Variants in CNTN4 observed in about 807,000 individuals in gnomAD.
The protein encoded by CNTN4 is contactin-4.
CNTN4 carries 77 observed loss-of-function variants against 122.5 expected under a neutral mutation model. That is an observed-to-expected ratio of 0.63 (90% confidence interval 0.52 to 0.76). The LOEUF is 0.76. Among genes scored for constraint, CNTN4 ranks in the 30% least tolerant of loss-of-function variants. The pLI is 0.00. For missense variants in CNTN4, 1,256 were observed against 1,259.1 expected (o/e 1.00, Z 0.04); for synonymous variants, 512 against 447.0 (o/e 1.15, Z -1.83).
intron 2 of CNTN4, among the ~76,000 whole-genome samples, chr3:2,286,638 T>A (rs2041912296): frequency 6.6e-6 from 1 of 152,174 alleles, no homozygotes; most frequent in African/African-American, 2.4e-5. Context: ...GATAATAAAG[T>A]TATGTATGTT....
intron 2 of CNTN4, among the ~76,000 whole-genome samples, chr3:2,219,599 G>A (rs1326207498): frequency 1.3e-5 from 2 of 151,862 alleles, no homozygotes; most frequent in Admixed American, 6.6e-5. Context: ...TTTCAACCAC[G>A]TTCTCTTGAA....
intron 3 of CNTN4, among the ~76,000 whole-genome samples, chr3:2,342,005 TAC>T (rs1334804087): frequency 4.6e-5 from 7 of 152,222 alleles, no homozygotes; most frequent in Non-Finnish European, 1.0e-4. Flanking sequence ...CATGGATTGA[TAC>T]AGTGTGGAGG....
At chr3:3,005,573 A>C (rs1696529680) in intron 14 of CNTN4, among the ~76,000 whole-genome samples, 3 of 151,364 alleles carry the variant, frequency 2.0e-5, no homozygotes, top group Non-Finnish European at 4.4e-5. Context: ...ACAGTTCTGG[A>C]GGCCGTGGTC....
chr3:2,935,756 C>T (rs1031621737), intron 13 of CNTN4, among the ~76,000 whole-genome samples: 1 of 152,108 alleles, frequency 6.6e-6, no homozygotes, highest in Non-Finnish European at 1.5e-5. Context: ...TTCATTTTCC[C>T]TAAGAGGCTG....
At chr3:2,852,030 T>C (rs1401606313) in intron 7 of CNTN4, among the ~76,000 whole-genome samples, 1 of 152,196 alleles carries the variant, frequency 6.6e-6, no homozygotes, top group African/African-American at 2.4e-5. Flanking sequence ...ATTTGTTTAT[T>C]ACCAGGCCAC....
chr3:2,487,396 T>C (rs1053003721), intron 3 of CNTN4, among the ~76,000 whole-genome samples: 2 of 152,180 alleles, frequency 1.3e-5, no homozygotes, highest in African/African-American at 4.8e-5. Context: ...GCAACCAAAC[T>C]TCCCTTCCCT....
chr3:2,310,248 T>C (rs1414942459), intron 2 of CNTN4, among the ~76,000 whole-genome samples: 1 of 152,152 alleles, frequency 6.6e-6, no homozygotes, highest in Non-Finnish European at 1.5e-5. Flanking sequence ...TCAAGTTTCC[T>C]ACTCTTATAA....
intron 3 of CNTN4, among the ~76,000 whole-genome samples, chr3:2,523,629 A>G (rs545756902): frequency 6.6e-6 from 1 of 152,116 alleles, no homozygotes; most frequent in East Asian, 1.9e-4. Context: ...TACCCTCTGT[A>G]AGAAAGTCCA....
intron 13 of CNTN4, among the ~76,000 whole-genome samples, chr3:2,953,367 C>A (rs78319233): frequency 6.6e-6 from 1 of 151,988 alleles, no homozygotes; most frequent in South Asian, 2.1e-4. Context: ...TTGACACAGG[C>A]GGTAGATCGC....
chr3:2,363,758 C>T (rs9854606), intron 3 of CNTN4, among the ~76,000 whole-genome samples: 2,492 of 152,232 alleles, frequency 0.016, 65 homozygotes, highest in African/African-American at 0.057. Flanking sequence ...TGGTCAGCAT[C>T]CTCTTCAAAG....
chr3:2,667,023 C>T (rs2084210251), intron 4 of CNTN4, among the ~76,000 whole-genome samples: 1 of 152,050 alleles, frequency 6.6e-6, no homozygotes, highest in African/African-American at 2.4e-5. Flanking sequence ...CAAGTCTTTG[C>T]TATTGTGAAT....
At chr3:2,191,364 C>G (rs2037536302) in intron 2 of CNTN4, among the ~76,000 whole-genome samples, 1 of 151,878 alleles carries the variant, frequency 6.6e-6, no homozygotes, top group Non-Finnish European at 1.5e-5. Context: ...ATCAGTATAG[C>G]CCCTACATTA....
At chr3:3,002,258 G>A (rs1451852759) in intron 14 of CNTN4, among the ~76,000 whole-genome samples, 1 of 152,148 alleles carries the variant, frequency 6.6e-6, no homozygotes, top group Non-Finnish European at 1.5e-5. Flanking sequence ...GAAAATCAGG[G>A]TGCCATCTTC....
intron 14 of CNTN4, among the ~76,000 whole-genome samples, chr3:3,015,059 G>A (rs575035498): frequency 6.6e-6 from 1 of 152,172 alleles, no homozygotes; most frequent in Non-Finnish European, 1.5e-5. Context: ...ATGAAAAACA[G>A]TAACAAAGTC....
Position 2,132,520 on chromosome 3 carries a change from T to A in CNTN4, c.-145+31881T>A, listed in dbSNP as rs573294908. On this transcript the variant is annotated intron_variant, in intron 2 of 24. Coordinates refer to ENST00000418658, the MANE Select transcript of CNTN4 (RefSeq NM_175607.3). ...GAGCAGCTGTTTTATTATAATTGCT[T>A]TGACAATCCAGAAAGCAAGGTCTTT... The A allele has an allele frequency of 4.6e-5, 7 of 152,302 alleles. No individual in the cohort carries two copies. The East Asian group carries it at 5.8e-4, about 13-fold the overall frequency. 9.4% of individuals were successfully genotyped at this position (152,302 alleles called of 1,614,324 possible).
At chr3:2,962,238 A>C (rs1205640540) in intron 13 of CNTN4, among the ~76,000 whole-genome samples, 1 of 152,220 alleles carries the variant, frequency 6.6e-6, no homozygotes, top group Non-Finnish European at 1.5e-5. Flanking sequence ...TATGTAATAA[A>C]ATGTTTATCC....
chr3:2,295,090 G>T (rs1041165535), intron 2 of CNTN4, among the ~76,000 whole-genome samples: 3 of 151,164 alleles, frequency 2.0e-5, no homozygotes, highest in African/African-American at 4.9e-5. Context: ...ATGGACATTT[G>T]GTTTGGTTCC....
chr3:2,409,249 C>CTTTTT (rs372224744), intron 3 of CNTN4, among the ~76,000 whole-genome samples: 13 of 132,598 alleles, frequency 9.8e-5, no homozygotes, highest in Non-Finnish European at 1.1e-4. Flanking sequence ...CTTTTCTTTT[C>CTTTTT]TTTTTTTTTT....
chr3:2,393,371 C>G (rs2046516998), intron 3 of CNTN4, among the ~76,000 whole-genome samples: 1 of 152,162 alleles, frequency 6.6e-6, no homozygotes, highest in African/African-American at 2.4e-5. Context: ...ATGAGAGACA[C>G]AATTTAATGC....
Sources: gnomAD v4.1 joint callset for allele counts (sites outside exome capture counted in the v4.1 genomes callset) on GRCh38, gnomAD v4.1.1 for gene constraint, MANE v1.5 for transcripts, NCBI Gene and HGNC (gene_info 2026-07-23, HGNC 2026-07-21) for gene names.